The following SLC35A1 variants were observed in gnomAD, a reference collection of about 807,000 sequenced individuals.
The protein encoded by SLC35A1 is CMP-sialic acid transporter.
Under a neutral mutation model 40.3 loss-of-function variants are expected in SLC35A1, and 21 were observed. The observed-to-expected ratio is 0.52, with a 90% CI of 0.37 to 0.75. The LOEUF is 0.75. Ranked by LOEUF, SLC35A1 falls within the 30% of genes least tolerant of loss-of-function variation. The pLI is 0.00. For missense variants in SLC35A1, 297 were observed against 382.1 expected (o/e 0.78, Z 1.86); for synonymous variants, 146 against 147.3 (o/e 0.99, Z 0.06).
At position 87,477,484 on chromosome 6, in the gene SLC35A1, G is replaced by A. The variant is rs750154778; in HGVS notation, c.139G>A (p.Ala47Thr). ...SDKELYFSTT[A>T]VCITEVIKLL... The stretch of plus-strand genomic sequence containing the variant: ...CAAAGAACTCTACTTTTCAACCACA[G>A]CCGTGTGTATCACAGAAGTTATAAA... Residue 47 changes from alanine (A) to threonine (T), a missense_variant, in exon 2 of 8, where the codon GCC (alanine) becomes ACC (threonine). By Grantham distance (58) the Ala-to-Thr change is moderately conservative (BLOSUM62 0). Coordinates refer to ENST00000369552, the MANE Select transcript of SLC35A1 (RefSeq NM_006416.5). 1 of 1,614,082 alleles carries A rather than the reference G, an allele frequency of 6.2e-7. No individual in the cohort carries two copies. Among genetic ancestry groups the A allele is most frequent in the South Asian group, 1.1e-5 (1 of 91,080 alleles).
At position 87,511,394 on chromosome 6, in the gene SLC35A1, T is replaced by C. The variant is rs748171236; in HGVS notation, c.887-5T>C. 1 of 1,613,712 alleles carries C rather than the reference T, an allele frequency of 6.2e-7. No individual in the cohort carries two copies. ...AGATAAAGCTATTTTTTTTTTTCTT[T>C]TCAGCACTCACCTTTGCCCTGGGTA... On this transcript the variant is annotated splice_polypyrimidine_tract_variant and splice_region_variant and intron_variant, in intron 7 of 7. Coordinates refer to ENST00000369552, the MANE Select transcript of SLC35A1 (RefSeq NM_006416.5).
intron 2 of SLC35A1, among the ~76,000 whole-genome samples, chr6:87,492,678 G>A (rs1349488881): frequency 6.6e-6 from 1 of 151,410 alleles, no homozygotes; most frequent in African/African-American, 2.4e-5. Context: ...CTCCCAAGTA[G>A]GATTGGGATT....
chr6:87,489,066 AT>A (rs1490321429), intron 2 of SLC35A1, among the ~76,000 whole-genome samples: 1 of 152,220 alleles, frequency 6.6e-6, no homozygotes, highest in Non-Finnish European at 1.5e-5. Flanking sequence ...TAACATTCAC[AT>A]TAGTATGGTA....
chr6:87,509,256 G>A (rs1770181328), intron 7 of SLC35A1, 81 bp downstream of exon 7: 6 of 1,552,386 alleles, frequency 3.9e-6, no homozygotes, highest in Non-Finnish European at 5.3e-6. Flanking sequence ...ATTTAAAAGT[G>A]GCAGTTGGTC....
At chr6:87,483,666 C>T (rs1022844257) in intron 2 of SLC35A1, among the ~76,000 whole-genome samples, 3 of 152,110 alleles carry the variant, frequency 2.0e-5, no homozygotes, top group African/African-American at 7.2e-5. Context: ...GAAGGCTCAA[C>T]CCCTCAAACC....
chr6:87,511,634 C>A lies in SLC35A1; in HGVS notation c.*108C>A. 3 of 1,192,852 alleles carry A rather than the reference C, an allele frequency of 2.5e-6. No homozygotes were observed. Among genetic ancestry groups the A allele is most frequent in the African/African-American group, 1.5e-5 (1 of 66,696 alleles). 73.9% of individuals were successfully genotyped at this position (1,192,852 alleles called of 1,614,324 possible). A position where few individuals can be genotyped will look rare whatever the true frequency, so the allele number is the denominator to read the frequency against. Reference sequence around the variant, plus strand: ...AAACAAATAAAAATTAACTGTATGGCATGATCAGTGCGGTTATGTGGAAAC... The same window carrying A: ...AAACAAATAAAAATTAACTGTATGGAATGATCAGTGCGGTTATGTGGAAAC... On this transcript the variant is annotated 3_prime_UTR_variant, in exon 8 of 8. Transcript: ENST00000369552.
At chr6:87,498,242 ACAT>A (rs1562023956) in intron 2 of SLC35A1, among the ~76,000 whole-genome samples, 1 of 152,164 alleles carries the variant, frequency 6.6e-6, no homozygotes, top group Non-Finnish European at 1.5e-5. Context: ...CCTTAAAGAC[ACAT>A]CATCAGTGTA....
Position 87,480,114 on chromosome 6 carries a change from G to A in SLC35A1, c.194+2575G>A, listed in dbSNP as rs1286102273. On this transcript the variant is annotated intron_variant, in intron 2 of 7. Transcript: ENST00000369552. Reference sequence around the variant, plus strand: ...GGGCAGATTGACGGGTCACCTCTTGGAAGTGCCTAACTTCACTGCATCCTG... The same window carrying A: ...GGGCAGATTGACGGGTCACCTCTTGAAAGTGCCTAACTTCACTGCATCCTG... Among the ~76,000 whole-genome samples the A allele has an allele frequency of 3.3e-5, 5 of 152,212 alleles. No homozygotes were observed. In the East Asian group the frequency reaches 9.6e-4, roughly 29 times the overall value.
chr6:87,481,660 T>C (rs1482650976), intron 2 of SLC35A1, among the ~76,000 whole-genome samples: 1 of 152,232 alleles, frequency 6.6e-6, no homozygotes. Context: ...TAAAACCCTG[T>C]AGACATATTT....
chr6:87,500,642 G>A lies in SLC35A1; in HGVS notation c.329G>A (p.Ser110Asn), dbSNP rs1168445271. ...AACAACATGGCTTTCCTAGCTCTTA[G>A]CAATCTGGATGCAGCAGTGTACCAG... ...VQNNMAFLAL[S>N]NLDAAVYQVT... The change falls in exon 3 of 8, where the codon AGC becomes AAC. Residue 110 changes from serine (S) to asparagine (N), a missense_variant. Physicochemically the swap from Ser to Asn is conservative, Grantham distance 46. Transcript: ENST00000369552. The A allele has an allele frequency of 6.2e-7, 1 of 1,614,064 alleles. No individual in the cohort carries two copies. The highest frequency in any genetic ancestry group is 8.5e-7 in the Non-Finnish European group (1 of 1,180,018).
chr6:87,480,390 A>G (rs9450709), intron 2 of SLC35A1, among the ~76,000 whole-genome samples: 57,832 of 152,154 alleles, frequency 0.38, 11,077 homozygotes, highest in Admixed American at 0.46. Flanking sequence ...CTGGGCCTCT[A>G]GCCTACCGTG....
chr6:87,511,711 T>G lies in SLC35A1; in HGVS notation c.*185T>G. The stretch of plus-strand genomic sequence containing the variant: ...GTGAACTGCTAATACAGAAACTTAA[T>G]GTAGACCTGTTTGGGGTCTACTATT... On this transcript the variant is annotated 3_prime_UTR_variant, in exon 8 of 8. Transcript: ENST00000369552. 4 of 658,114 alleles carry G rather than the reference T, an allele frequency of 6.1e-6. No individual in the cohort carries two copies. The South Asian group carries it at 6.8e-5, about 11-fold the overall frequency. The allele number at this position is 658,114 out of a possible 1,614,324, so 40.8% of individuals were successfully genotyped here.
At chr6:87,476,087 G>A (rs969686215) in intron 1 of SLC35A1, among the ~76,000 whole-genome samples, 2 of 152,206 alleles carry the variant, frequency 1.3e-5, no homozygotes, top group Admixed American at 1.3e-4. Context: ...CACTGCTTAT[G>A]GTTTTACCAA....
At chr6:87,506,518 C>A in intron 5 of SLC35A1, 70 bp downstream of exon 5, 1 of 1,182,326 alleles carries the variant, frequency 8.5e-7, no homozygotes, top group Non-Finnish European at 1.3e-6. Context: ...AGACACCAGT[C>A]TAGTTTATCT....
chr6:87,499,568 GCAGT>G (rs1769851943), intron 2 of SLC35A1, among the ~76,000 whole-genome samples: 1 of 151,000 alleles, frequency 6.6e-6, no homozygotes, highest in African/African-American at 2.4e-5. Context: ...TAATCAATAT[GCAGT>G]CAAACAGTAA....
intron 6 of SLC35A1, 147 bp downstream of exon 6, chr6:87,508,743 A>AAT: frequency 1.1e-6 from 1 of 872,664 alleles, no homozygotes; most frequent in South Asian, 1.7e-5. Flanking sequence ...TTGTTGACTT[A>AAT]GTTTTGATTG....
At chr6:87,474,292 G>A (rs574623039) in intron 1 of SLC35A1, among the ~76,000 whole-genome samples, 1 of 152,246 alleles carries the variant, frequency 6.6e-6, no homozygotes, top group East Asian at 1.9e-4. Context: ...TATCCACAAA[G>A]GATTTATCTG....
rs532235443 is a variant in SLC35A1, at chr6:87,495,332, T to C, written c.195-5176T>C. 4.6e-5 allele frequency among the ~76,000 whole-genome samples: 7 copies of C among 152,368 alleles called. No individual in the cohort carries two copies. In the East Asian group the frequency reaches 1.2e-3, roughly 25 times the overall value. On this transcript the variant is annotated intron_variant, in intron 2 of 7. Coordinates refer to ENST00000369552, the MANE Select transcript of SLC35A1 (RefSeq NM_006416.5). ...CCCTAGCAGGATGTGTAAATGTTAA[T>C]GTACATACACTTTGGGTGTGTTTAG...
Position 87,473,020 on chromosome 6 carries a change from G to A in SLC35A1, c.16+1G>A. On this transcript the variant is annotated splice_donor_variant, in intron 1 of 7. Transcript: ENST00000369552. LOFTEE classifies it high-confidence loss of function. ...CGGGGAACCATGGCTGCCCCGAGAGGTGAGAACTGGGTCTGCTGGGAGTGG... is the reference window on the plus strand; with the variant it reads ...CGGGGAACCATGGCTGCCCCGAGAGATGAGAACTGGGTCTGCTGGGAGTGG... 1.5e-6 allele frequency: 1 copy of A among 665,844 alleles called. No homozygotes were observed. Among genetic ancestry groups the A allele is most frequent in the Non-Finnish European group, 2.3e-6 (1 of 435,374 alleles). The allele number at this position is 665,844 out of a possible 1,614,324, so 41.2% of individuals were successfully genotyped here. A position where few individuals can be genotyped will look rare whatever the true frequency, so the allele number is the denominator to read the frequency against.
Sources: gnomAD v4.1 joint callset for allele counts (sites outside exome capture counted in the v4.1 genomes callset) on GRCh38, gnomAD v4.1.1 for gene constraint, MANE v1.5 for transcripts, NCBI Gene and HGNC (gene_info 2026-07-23, HGNC 2026-07-21) for gene names.